Variants in SMIM41 observed in about 807,000 individuals in gnomAD.
The protein encoded by SMIM41 is small integral membrane protein 41.
chr12:52,101,587 A>G (rs1353957382), intron 2 of SMIM41, among the ~76,000 whole-genome samples: 3 of 152,248 alleles, frequency 2.0e-5, no homozygotes, highest in Non-Finnish European at 4.4e-5. Flanking sequence ...ATAGTACAGT[A>G]TGAAAATTTA....
chr12:52,103,357 C>CAAA (rs532598136), intron 2 of SMIM41, among the ~76,000 whole-genome samples: 8,401 of 116,570 alleles, frequency 0.072, 273 homozygotes, highest in Non-Finnish European at 0.084. Flanking sequence ...AAAATAAAAC[C>CAAA]AAAAAAAAAA....
chr12:52,086,999 GCACTGAGAATGGT>G (rs1939903366), intron 2 of SMIM41, among the ~76,000 whole-genome samples: 1 of 152,140 alleles, frequency 6.6e-6, no homozygotes, highest in Non-Finnish European at 1.5e-5. Context: ...CAGACTGATG[GCACTGAGAATGGT>G]CACGGGGTCC....
chr12:52,097,323 C>G (rs2120699466), intron 2 of SMIM41, among the ~76,000 whole-genome samples: 1 of 151,988 alleles, frequency 6.6e-6, no homozygotes, highest in East Asian at 1.9e-4. Context: ...GGGCGGGCGA[C>G]CCCCACGATG....
chr12:52,097,394 C>G (rs1940119098), intron 2 of SMIM41, among the ~76,000 whole-genome samples: 2 of 152,016 alleles, frequency 1.3e-5, no homozygotes, highest in East Asian at 3.9e-4. Flanking sequence ...GGTGGACACC[C>G]CCAGTGATGC....
chr12:52,099,177 G>A lies in SMIM41; in HGVS notation c.*196-8202G>A, dbSNP rs146345794. ...CATCCTGTCGCCCTCTGGATATTAG[G>A]AAGAGTTTCACAGGGGTGTGTACAC... On this transcript the variant is annotated intron_variant, in intron 2 of 2. Transcript: ENST00000546390. 3.0e-3 allele frequency among the ~76,000 whole-genome samples: 456 copies of A among 152,052 alleles called. 3 individuals carry two copies. The highest frequency in any genetic ancestry group is 0.01 in the African/African-American group (425 of 41,430).
chr12:52,107,297 C>T (rs1487547878), intron 2 of SMIM41, 82 bp from the exon 3 acceptor site: 4 of 436,488 alleles, frequency 9.2e-6, no homozygotes, highest in Non-Finnish European at 1.4e-5. Context: ...TCTGATTTCT[C>T]AACGCTCTTT....
intron 2 of SMIM41, among the ~76,000 whole-genome samples, chr12:52,095,309 A>G (rs1331930646): frequency 6.7e-6 from 1 of 149,706 alleles, no homozygotes; most frequent in African/African-American, 2.5e-5. Flanking sequence ...TACGATCCAC[A>G]TCGCAGGGGG....
chr12:52,100,564 C>A (rs1290190737), intron 2 of SMIM41, among the ~76,000 whole-genome samples: 2 of 151,552 alleles, frequency 1.3e-5, no homozygotes, highest in Non-Finnish European at 2.9e-5. Flanking sequence ...TCAAGCGATT[C>A]TCCTGTCTCA....
intron 2 of SMIM41, among the ~76,000 whole-genome samples, chr12:52,085,756 G>A (rs2120654826): frequency 6.6e-6 from 1 of 152,300 alleles, no homozygotes; most frequent in African/African-American, 2.4e-5. Context: ...AGAGGTGGAA[G>A]GAACACCACA....
At chr12:52,104,611 A>G (rs1331485707) in intron 2 of SMIM41, among the ~76,000 whole-genome samples, 1 of 151,744 alleles carries the variant, frequency 6.6e-6, no homozygotes, top group Non-Finnish European at 1.5e-5. Context: ...GGCAGATGGG[A>G]GGAGACCAAC....
Position 52,098,735 on chromosome 12 carries a change from G to T in SMIM41, c.*196-8644G>T, listed in dbSNP as rs1460780379. On this transcript the variant is annotated intron_variant, in intron 2 of 2. Coordinates refer to ENST00000546390, the MANE Select transcript of SMIM41 (RefSeq NM_001369216.1). The stretch of plus-strand genomic sequence containing the variant: ...CCTTGTATATTAGGAACAATATCAC[G>T]GGGGGGGGGGTGTACTGCCTCTGCG... 1.9e-3 allele frequency among the ~76,000 whole-genome samples: 47 copies of T among 24,588 alleles called. 1 individual carries two copies. The South Asian group carries it at 0.054, about 28-fold the overall frequency. 16.1% of individuals were successfully genotyped at this position (24,588 alleles called of 152,430 possible).
rs1044655788 is a variant in SMIM41 at position 52,107,737 on chromosome 12, A to C, written c.*554A>C. The C allele has an allele frequency of 4.5e-5, 19 of 418,490 alleles. No individual in the cohort carries two copies. Among genetic ancestry groups the C allele is most frequent in the Non-Finnish European group, 8.3e-5 (18 of 216,332 alleles). The allele number at this position is 418,490 out of a possible 1,614,324, so 25.9% of individuals were successfully genotyped here. A position where few individuals can be genotyped will look rare whatever the true frequency, so the allele number is the denominator to read the frequency against. On this transcript the variant is annotated 3_prime_UTR_variant, in exon 3 of 3. Transcript: ENST00000546390. ...CTGTCACCCTCTATATCATTCAGCCATCATGAACCTGTGTTTCTGTGGCTT... is the reference window on the plus strand; with the variant it reads ...CTGTCACCCTCTATATCATTCAGCCCTCATGAACCTGTGTTTCTGTGGCTT...
intron 2 of SMIM41, among the ~76,000 whole-genome samples, chr12:52,087,090 T>C (rs1939904861): frequency 6.6e-6 from 1 of 152,190 alleles, no homozygotes; most frequent in East Asian, 1.9e-4. Context: ...CCCTGCTCTT[T>C]CAAACCTGTC....
chr12:52,084,382 AAAC>A (rs1215297635), intron 2 of SMIM41, among the ~76,000 whole-genome samples: 9 of 20,210 alleles, frequency 4.5e-4, no homozygotes, highest in Admixed American at 3.5e-3. Context: ...ACAAAAAAAA[AAAC>A]AAACAAAAAA....
At chr12:52,091,061 G>C (rs1939993256) in intron 2 of SMIM41, among the ~76,000 whole-genome samples, 1 of 152,102 alleles carries the variant, frequency 6.6e-6, no homozygotes, top group Admixed American at 6.5e-5. Flanking sequence ...CACCAGGCTG[G>C]AGTGCAGTGG....
chr12:52,104,573 C>T (rs1940289480), intron 2 of SMIM41, among the ~76,000 whole-genome samples: 1 of 151,948 alleles, frequency 6.6e-6, no homozygotes, highest in South Asian at 2.1e-4. Flanking sequence ...TATCCTCATC[C>T]TCAGGAAAAA....
chr12:52,094,259 C>T lies in SMIM41; in HGVS notation c.*195+10291C>T, dbSNP rs527239624. On this transcript the variant is annotated intron_variant, in intron 2 of 2. Coordinates refer to ENST00000546390, the MANE Select transcript of SMIM41 (RefSeq NM_001369216.1). Reference sequence around the variant, plus strand: ...CACCCAGGCTGGAGTGCAGTGGCAGCACAGTCTCAGTTCACTGCAACCTCT... The same window carrying T: ...CACCCAGGCTGGAGTGCAGTGGCAGTACAGTCTCAGTTCACTGCAACCTCT... Among the ~76,000 whole-genome samples, 673 of 148,830 alleles carry T rather than the reference C, an allele frequency of 4.5e-3. 2 individuals are homozygous for T. The highest frequency in any genetic ancestry group is 6.6e-3 in the Non-Finnish European group (444 of 67,190).
intron 2 of SMIM41, chr12:52,093,694 C>T (rs1358590345): frequency 6.6e-6 from 1 of 152,212 alleles, no homozygotes; most frequent in South Asian, 2.1e-4. Flanking sequence ...ACATTTGGAA[C>T]TTTAGCTTCT....
At chr12:52,095,012 C>T (rs1388535309) in intron 2 of SMIM41, among the ~76,000 whole-genome samples, 1 of 145,182 alleles carries the variant, frequency 6.9e-6, no homozygotes, top group Non-Finnish European at 1.5e-5. Flanking sequence ...GTGGTGTGAT[C>T]TCCGCTCACT....
Sources: gnomAD v4.1 joint callset for allele counts (sites outside exome capture counted in the v4.1 genomes callset) on GRCh38, gnomAD v4.1.1 for gene constraint, MANE v1.5 for transcripts, NCBI Gene and HGNC (gene_info 2026-07-23, HGNC 2026-07-21) for gene names.